Variants in PCDH7 observed in about 807,000 individuals in gnomAD.
PCDH7 encodes protocadherin 7, also known as protocadherin-7.
Under a neutral mutation model 58.9 loss-of-function variants are expected in PCDH7, and 17 were observed. The observed-to-expected ratio is 0.29, with a 90% CI of 0.20 to 0.43. PCDH7 has a LOEUF of 0.43. PCDH7 is among the 20% of genes least tolerant of loss of function. The pLI, the probability that PCDH7 is intolerant of heterozygous loss-of-function variation, is 1.00. For synonymous variants in PCDH7, 664 were observed against 616.4 expected (o/e 1.08, Z -1.14); for missense variants, 1,274 against 1,441.0 (o/e 0.88, Z 1.88).
chr4:31,008,326 T>C (rs1241690805), intron 3 of PCDH7, among the ~76,000 whole-genome samples: 2 of 152,162 alleles, frequency 1.3e-5, no homozygotes, highest in African/African-American at 4.8e-5. Flanking sequence ...AAAAATATAC[T>C]ATTTAAGTGA....
intron 1 of PCDH7, among the ~76,000 whole-genome samples, chr4:30,779,429 A>G (rs1237478287): frequency 1.3e-5 from 2 of 152,192 alleles, no homozygotes; most frequent in Non-Finnish European, 2.9e-5. Context: ...CTTTAAATCA[A>G]TGTCTTAGTG....
intron 3 of PCDH7, among the ~76,000 whole-genome samples, chr4:31,065,906 G>A (rs904724423): frequency 3.3e-5 from 5 of 151,810 alleles, no homozygotes; most frequent in African/African-American, 4.8e-5. Context: ...ATTTCACTGC[G>A]AAAAATTGAG....
At chr4:31,138,849 G>A (rs748680552) in intron 3 of PCDH7, among the ~76,000 whole-genome samples, 20 of 151,906 alleles carry the variant, frequency 1.3e-4, no homozygotes, top group African/African-American at 3.9e-4. Context: ...AGTGGTGCGC[G>A]CCTATAACTG....
intron 3 of PCDH7, among the ~76,000 whole-genome samples, chr4:30,963,327 A>G (rs1198085758): frequency 1.3e-5 from 2 of 152,182 alleles, no homozygotes; most frequent in Admixed American, 6.5e-5. Flanking sequence ...GAATTATACT[A>G]TCTTCTCAGT....
chr4:30,855,574 C>T (rs1277257272), intron 1 of PCDH7, among the ~76,000 whole-genome samples: 1 of 152,136 alleles, frequency 6.6e-6, no homozygotes, highest in Non-Finnish European at 1.5e-5. Context: ...CTGCTGCTAC[C>T]ACATTTACTC....
intron 1 of PCDH7, among the ~76,000 whole-genome samples, chr4:30,824,824 C>A (rs1453904380): frequency 3.9e-5 from 6 of 152,066 alleles, no homozygotes; most frequent in Non-Finnish European, 5.9e-5. Context: ...AAGCTATCAA[C>A]AGCTTATAAA....
intron 3 of PCDH7, among the ~76,000 whole-genome samples, chr4:31,100,070 A>G (rs1349187754): frequency 1.3e-5 from 2 of 152,116 alleles, no homozygotes; most frequent in African/African-American, 2.4e-5. Flanking sequence ...TTTGCCATGG[A>G]TGTGTTACAT....
At chr4:30,739,160 T>TTATATA (rs542316944) in intron 1 of PCDH7, among the ~76,000 whole-genome samples, 10 of 145,438 alleles carry the variant, frequency 6.9e-5, no homozygotes, top group African/African-American at 2.5e-4. Context: ...TATATATATA[T>TTATATA]TATATATATA....
intron 3 of PCDH7, among the ~76,000 whole-genome samples, chr4:30,974,579 G>C (rs1045711803): frequency 1.3e-5 from 2 of 152,114 alleles, no homozygotes; most frequent in African/African-American, 4.8e-5. Context: ...TGTTGGCTAA[G>C]TAAAAATATT....
At chr4:30,900,361 T>G (rs562867526) in intron 1 of PCDH7, among the ~76,000 whole-genome samples, 1 of 152,304 alleles carries the variant, frequency 6.6e-6, no homozygotes, top group East Asian at 1.9e-4. Context: ...TATTTCCAGT[T>G]GAAGGAAGAA....
intron 1 of PCDH7, 150 bp downstream of exon 1, chr4:30,724,746 T>C: frequency 6.9e-7 from 1 of 1,448,068 alleles, no homozygotes; most frequent in Non-Finnish European, 9.1e-7. Flanking sequence ...ACCATTAATT[T>C]AGCAAAGGCC....
Position 30,942,337 on chromosome 4 carries a change from A to G in PCDH7, c.288-7783A>G, listed in dbSNP as rs887200853. Reference sequence around the variant, plus strand: ...GATTAGTATAAAACATACTGTATAAAAAAGAAATTCAATTTGCGAATCCTA... The same window carrying G: ...GATTAGTATAAAACATACTGTATAAGAAAGAAATTCAATTTGCGAATCCTA... On this transcript the variant is annotated intron_variant, in intron 2 of 3. Coordinates refer to the PCDH7 transcript ENST00000509759. Among the ~76,000 whole-genome samples the G allele has an allele frequency of 9.2e-5, 14 of 152,124 alleles. No individual in the cohort carries two copies. In the South Asian group the frequency reaches 2.9e-3, roughly 32 times the overall value.
chr4:31,056,461 G>GAAAGAAAGAAAGAA (rs1560608578), intron 3 of PCDH7, among the ~76,000 whole-genome samples: 1 of 37,138 alleles, frequency 2.7e-5, no homozygotes, highest in African/African-American at 1.4e-4. Context: ...AAAGAAAGAA[G>GAAAGAAAGAAAGAA]AAAGAAAGAA....
intron 3 of PCDH7, among the ~76,000 whole-genome samples, chr4:31,070,090 T>C (rs1275499255): frequency 6.6e-6 from 1 of 152,008 alleles, no homozygotes; most frequent in African/African-American, 2.4e-5. Flanking sequence ...AGTAAATGTA[T>C]TCCGTGCCTA....
intron 1 of PCDH7, among the ~76,000 whole-genome samples, chr4:30,782,548 A>G (rs1174752746): frequency 6.6e-6 from 1 of 152,228 alleles, no homozygotes; most frequent in African/African-American, 2.4e-5. Flanking sequence ...TGCTAGATTG[A>G]TAGCTGAGGC....
intron 1 of PCDH7, among the ~76,000 whole-genome samples, chr4:30,794,745 A>G (rs1021622841): frequency 2.0e-5 from 3 of 152,174 alleles, no homozygotes; most frequent in South Asian, 2.1e-4. Flanking sequence ...AATTTTTAAT[A>G]CAATCGATTG....
chr4:30,882,178 T>G (rs2109371948), intron 1 of PCDH7, among the ~76,000 whole-genome samples: 2 of 139,784 alleles, frequency 1.4e-5, no homozygotes, highest in African/African-American at 5.2e-5. Context: ...TCTCTTCCCC[T>G]TCCTCTTTCC....
intron 1 of PCDH7, chr4:30,725,442 G>C: frequency 4.2e-6 from 1 of 238,010 alleles, no homozygotes; most frequent in Non-Finnish European, 6.8e-6. Context: ...TGGAATATTT[G>C]ACATAATAGT....
chr4:30,927,773 TTA>T (rs932878285), intron 2 of PCDH7, among the ~76,000 whole-genome samples: 2 of 151,810 alleles, frequency 1.3e-5, no homozygotes, highest in Admixed American at 6.6e-5. Context: ...GTTCACTTGT[TTA>T]TCTGCTGACC....
Sources: gnomAD v4.1 joint callset for allele counts (sites outside exome capture counted in the v4.1 genomes callset) on GRCh38, gnomAD v4.1.1 for gene constraint, MANE v1.5 for transcripts, NCBI Gene and HGNC (gene_info 2026-07-23, HGNC 2026-07-21) for gene names.